FYB1: variants seen among roughly 807,000 people sequenced by gnomAD.
FYB1 encodes FYN binding protein 1, also known as FYN-binding protein 1.
FYB1 carries 41 observed loss-of-function variants against 94.1 expected under a neutral mutation model. The ratio of observed to expected loss-of-function variants is 0.44; its 90% confidence interval spans 0.34 to 0.57. The LOEUF (loss-of-function observed/expected upper bound fraction) is 0.57. Among genes scored for constraint, FYB1 ranks in the 20% least tolerant of loss-of-function variants. The pLI, the probability that FYB1 is intolerant of heterozygous loss-of-function variation, is 0.02. For synonymous variants in FYB1, 367 were observed against 353.2 expected (o/e 1.04, Z -0.44); for missense variants, 1,050 against 976.8 (o/e 1.07, Z -1.00).
At position 39,115,522 on chromosome 5, in the gene FYB1, A is replaced by G. The variant is rs537549768; in HGVS notation, c.2401+3352T>C. Among the ~76,000 whole-genome samples, 10 of 152,286 alleles carry G rather than the reference A, an allele frequency of 6.6e-5. No homozygotes were observed. The South Asian group carries it at 2.1e-3, about 32-fold the overall frequency. On this transcript the variant is annotated intron_variant, in intron 16 of 18. Coordinates refer to ENST00000512982, the MANE Select transcript of FYB1 (RefSeq NM_001465.6). The stretch of plus-strand genomic sequence containing the variant: ...TAAAGAGTTTTATGTGCTCGCCTAA[A>G]TACTATATTTTAAAAAATAATATTT...
upstream of FYB1, among the ~76,000 whole-genome samples, chr5:39,223,310 G>A (rs1330318669): frequency 1.3e-5 from 2 of 151,992 alleles, no homozygotes; most frequent in East Asian, 3.9e-4. Context: ...ATAAAAATAT[G>A]AGGAGCATAT....
In FYB1 at chr5:39,213,919, G is replaced by C. The variant is rs113350713; in HGVS notation, c.-28+5524C>G. On this transcript the variant is annotated intron_variant, in intron 1 of 18. Coordinates refer to ENST00000512982, the MANE Select transcript of FYB1 (RefSeq NM_001465.6). ...GCATAAACAGATACTACGGGAGAAA[G>C]AAGTTATAATTTGGGAAGTCCCATG... Among the ~76,000 whole-genome samples the C allele has an allele frequency of 6.3e-3, 966 of 152,240 alleles. 5 individuals are homozygous for C. Among genetic ancestry groups the C allele is most frequent in the Non-Finnish European group, 0.011 (744 of 68,016 alleles).
At position 39,202,495 on chromosome 5, in the gene FYB1, C is replaced by G. The variant is rs757528818; in HGVS notation, c.466G>C (p.Gly156Arg). The part of the protein sequence containing the change: ...HDLKPLGPKS[G>R]PTPPTSENEQ... ...TTTTCTGAGGTTGGAGGAGTAGGCC[C>G]AGATTTCGGGCCTAGTGGCTTTAAG... The change falls in exon 2 of 19, where the codon GGG (glycine) becomes CGG (arginine). Residue 156 changes from glycine to arginine, a missense_variant. Physicochemically the swap from Gly to Arg is moderately radical, Grantham distance 125. Coordinates refer to ENST00000512982, the MANE Select transcript of FYB1 (RefSeq NM_001465.6). 1.2e-6 allele frequency: 2 copies of G among 1,613,902 alleles called. No individual in the cohort carries two copies. Among genetic ancestry groups the G allele is most frequent in the South Asian group, 2.2e-5 (2 of 91,074 alleles).
chr5:39,261,337 G>GACGCAC (rs1752203589), intron 1 of FYB1, among the ~76,000 whole-genome samples: 1 of 133,806 alleles, frequency 7.5e-6, no homozygotes, highest in Admixed American at 7.8e-5. Context: ...TGTAGATTAA[G>GACGCAC]ACACACACAC....
At chr5:39,178,073 C>T (rs954619271) in intron 2 of FYB1, among the ~76,000 whole-genome samples, 3 of 152,196 alleles carry the variant, frequency 2.0e-5, no homozygotes, top group African/African-American at 7.2e-5. Flanking sequence ...GCATTTCCCC[C>T]AAAGTTAATT....
intron 9 of FYB1, among the ~76,000 whole-genome samples, chr5:39,133,202 ATTGTTTCC>A (rs1741358381): frequency 6.6e-6 from 1 of 152,186 alleles, no homozygotes; most frequent in Admixed American, 6.5e-5. Flanking sequence ...GACAATGAAG[ATTGTTTCC>A]TTTGAAATTT....
intron 3 of FYB1, among the ~76,000 whole-genome samples, chr5:39,149,345 C>G (rs1340686246): frequency 6.6e-6 from 1 of 152,132 alleles, no homozygotes; most frequent in Non-Finnish European, 1.5e-5. Flanking sequence ...TTAGAGATTC[C>G]ACTCCACATG....
At chr5:39,196,250 C>A (rs1343683389) in intron 2 of FYB1, among the ~76,000 whole-genome samples, 2 of 149,818 alleles carry the variant, frequency 1.3e-5, no homozygotes, top group Non-Finnish European at 3.0e-5. Flanking sequence ...GCTTTGTCAC[C>A]CAGGCTGGAG....
At position 39,114,880 on chromosome 5, in the gene FYB1, CAG is replaced by C. The variant is rs1739382445; in HGVS notation, c.2401+3992_2401+3993del. Among the ~76,000 whole-genome samples, 10 of 152,228 alleles carry C rather than the reference CAG, an allele frequency of 6.6e-5. No individual in the cohort carries two copies. The South Asian group carries it at 1.7e-3, about 25-fold the overall frequency. On this transcript the variant is annotated intron_variant, in intron 16 of 18. Transcript: ENST00000512982. Reference sequence around the variant, plus strand: ...ATTTCATTGAAGTGACTCTGAAGCTCAGAGTCTAATAAGAATAATAGGTTGGT... The same window carrying C: ...ATTTCATTGAAGTGACTCTGAAGCTCAGTCTAATAAGAATAATAGGTTGGT...
chr5:39,108,317 A>C (rs1434261967), intron 17 of FYB1, 55 bp from the exon 18 acceptor site: 2 of 1,406,364 alleles, frequency 1.4e-6, no homozygotes, highest in East Asian at 5.1e-5. Flanking sequence ...TTGGCATTAG[A>C]GCAATATATA....
chr5:39,257,909 A>G (rs1752032750), intron 1 of FYB1, among the ~76,000 whole-genome samples: 1 of 152,168 alleles, frequency 6.6e-6, no homozygotes, highest in Admixed American at 6.5e-5. Flanking sequence ...GGCAGTTAAA[A>G]TGGGCAGCCA....
chr5:39,233,953 A>G (rs1008567602), intron 1 of FYB1, among the ~76,000 whole-genome samples: 28 of 152,128 alleles, frequency 1.8e-4, no homozygotes, highest in African/African-American at 6.8e-4. Context: ...AAGGGACTTG[A>G]TGACTCCCAG....
At chr5:39,270,317 CT>C (rs1391842022) in intron 1 of FYB1, among the ~76,000 whole-genome samples, 1 of 152,134 alleles carries the variant, frequency 6.6e-6, no homozygotes, top group Non-Finnish European at 1.5e-5. Flanking sequence ...TGCATATTTT[CT>C]TTCTGCAAGA....
chr5:39,235,743 A>T (rs1324770839), intron 1 of FYB1, among the ~76,000 whole-genome samples: 2 of 152,140 alleles, frequency 1.3e-5, no homozygotes, highest in Non-Finnish European at 2.9e-5. Context: ...GACAACTATC[A>T]AACATGTATG....
intron 2 of FYB1, among the ~76,000 whole-genome samples, chr5:39,188,983 C>T (rs967901941): frequency 1.3e-5 from 2 of 152,138 alleles, no homozygotes. Context: ...GTTTAAGAAC[C>T]TTTGAAAGAT....
chr5:39,198,776 T>G (rs1041496113), intron 2 of FYB1, among the ~76,000 whole-genome samples: 1 of 152,166 alleles, frequency 6.6e-6, no homozygotes, highest in Non-Finnish European at 1.5e-5. Context: ...GTTTTCAGTT[T>G]ATAATATTTC....
rs753899925 is a variant in FYB1, at chr5:39,118,913, C to G, written c.2362G>C (p.Asp788His). ...TTTCTGCAGAGAACTTTTGTGTCAT[C>G]TGTGGTTTGTATAACTTCTAGAGAT... ...GESLEVIQTT[D>H]DTKVLCRNEE... Residue 788 changes from aspartate to histidine, a missense_variant, in exon 16 of 19, where the codon GAT (aspartate) becomes CAT (histidine). Coordinates refer to ENST00000512982, the MANE Select transcript of FYB1 (RefSeq NM_001465.6). 1 of 1,551,628 alleles carries G rather than the reference C, an allele frequency of 6.4e-7. No homozygotes were observed.
At chr5:39,260,397 T>G (rs894292889) in intron 1 of FYB1, among the ~76,000 whole-genome samples, 4 of 152,180 alleles carry the variant, frequency 2.6e-5, no homozygotes, top group Non-Finnish European at 4.4e-5. Flanking sequence ...TGAGAGGGCC[T>G]GCAAAGCCTA....
chr5:39,147,396 G>A (rs953981168), intron 3 of FYB1, among the ~76,000 whole-genome samples: 6 of 151,316 alleles, frequency 4.0e-5, no homozygotes, highest in African/African-American at 1.5e-4. Flanking sequence ...AGCCTCCCAA[G>A]TAGCTGAGAC....
Sources: allele counts gnomAD v4.1 joint callset (sites outside exome capture counted in the v4.1 genomes callset), GRCh38; gene constraint gnomAD v4.1.1; transcripts MANE v1.5; gene names NCBI Gene and HGNC (gene_info 2026-07-23, HGNC 2026-07-21).